Variants in OTUD4 observed in about 807,000 individuals in gnomAD.
OTUD4 encodes the protein OTU domain-containing protein 4.
Under a neutral mutation model 130.4 loss-of-function variants are expected in OTUD4, and 24 were observed. The ratio of observed to expected loss-of-function variants is 0.18; its 90% confidence interval spans 0.13 to 0.26. OTUD4 has a LOEUF of 0.26. Ranked by LOEUF, OTUD4 falls within the 10% of genes least tolerant of loss-of-function variation. The pLI is 1.00. For missense variants in OTUD4, 1,031 were observed against 1,329.4 expected, an observed-to-expected ratio of 0.78 and a Z score of 3.49; for synonymous variants, 420 against 472.5, an observed-to-expected ratio of 0.89 and a Z score of 1.44.
At chr4:145,179,729 C>G (rs991478307) in intron 1 of OTUD4, 86 bp downstream of exon 1, 34 of 1,438,080 alleles carry the variant, frequency 2.4e-5, no homozygotes, top group South Asian at 7.1e-5. Flanking sequence ...GTGGGCGGCC[C>G]GGACAGCCCG....
intron 14 of OTUD4, among the ~76,000 whole-genome samples, chr4:145,145,104 G>C (rs1465993663): frequency 6.6e-6 from 1 of 152,088 alleles, no homozygotes; most frequent in South Asian, 2.1e-4. Context: ...AAAATGATGA[G>C]TATGAAGGAC....
At chr4:145,178,073 G>C (rs1752510832) in intron 1 of OTUD4, 1 of 152,194 alleles carries the variant, frequency 6.6e-6, no homozygotes, top group African/African-American at 2.4e-5. Flanking sequence ...ACTGGGAAGG[G>C]TAGTCCCTTA....
intron 1 of OTUD4, among the ~76,000 whole-genome samples, chr4:145,174,948 C>T (rs984964251): frequency 6.6e-6 from 1 of 152,334 alleles, no homozygotes. Context: ...ACAAACAATA[C>T]TACTTCTTAA....
At chr4:145,173,204 AC>A (rs1752260445) in intron 2 of OTUD4, among the ~76,000 whole-genome samples, 1 of 152,268 alleles carries the variant, frequency 6.6e-6, no homozygotes, top group East Asian at 1.9e-4. Flanking sequence ...ATCCTAGCTA[AC>A]ATGGTGAAAC....
intron 1 of OTUD4, among the ~76,000 whole-genome samples, chr4:145,175,490 A>G (rs1471888814): frequency 6.6e-6 from 1 of 152,150 alleles, no homozygotes; most frequent in African/African-American, 2.4e-5. Flanking sequence ...CAAAAAGATA[A>G]CTTACTGGCA....
intron 3 of OTUD4, chr4:145,171,001 C>T (rs563175651): frequency 1.3e-5 from 2 of 152,254 alleles, no homozygotes; most frequent in African/African-American, 4.8e-5. Context: ...GAAATAGGAA[C>T]CTGCATGAAA....
chr4:145,167,587 T>C (rs1341342912), intron 3 of OTUD4, among the ~76,000 whole-genome samples: 1 of 152,244 alleles, frequency 6.6e-6, no homozygotes, highest in Non-Finnish European at 1.5e-5. Context: ...CCAGGCACGG[T>C]GGCTCACGCC....
At chr4:145,154,041 AT>A (rs1279875044) in intron 10 of OTUD4, among the ~76,000 whole-genome samples, 3 of 152,264 alleles carry the variant, frequency 2.0e-5, no homozygotes, top group African/African-American at 4.8e-5. Flanking sequence ...CATCTACTTT[AT>A]CAAAAGCACC....
intron 6 of OTUD4, among the ~76,000 whole-genome samples, chr4:145,162,279 C>A (rs1751612044): frequency 6.6e-6 from 1 of 152,078 alleles, no homozygotes; most frequent in Non-Finnish European, 1.5e-5. Context: ...TAAGGCCGGG[C>A]ACGGTAGCTC....
chr4:145,176,919 A>G (rs1013416405), intron 1 of OTUD4, among the ~76,000 whole-genome samples: 10 of 152,246 alleles, frequency 6.6e-5, no homozygotes, highest in Non-Finnish European at 1.0e-4. Flanking sequence ...GTTAGCAATT[A>G]GTTTGTTTTC....
At chr4:145,141,352 C>T (rs1560977510) in intron 19 of OTUD4, 27 bp downstream of exon 19, 7 of 1,547,860 alleles carry the variant, frequency 4.5e-6, no homozygotes, top group Non-Finnish European at 4.4e-6. Context: ...TTGATAAAGT[C>T]GATTTGAACT....
At position 145,155,435 on chromosome 4, in the gene OTUD4, T is replaced by A; in HGVS notation, c.849A>T (p.Gln283His). The change falls in exon 10 of 21, where the codon CAA becomes CAT. Residue 283 changes from glutamine to histidine, a missense_variant. By Grantham distance (24) the Gln-to-His change is conservative. Transcript: ENST00000447906. ...KRDYSIAAGLQYEVGDKCQVR... is the reference protein window; with the variant it reads ...KRDYSIAAGLHYEVGDKCQVR... ...CTTGACATTTGTCTCCAACTTCATA[T>A]TGTAAGCCAGCAGCAATGGAATAAT... is the stretch of plus-strand genomic sequence containing the variant. 1 of 1,611,932 alleles carries A rather than the reference T, an allele frequency of 6.2e-7. No individual in the cohort carries two copies. Among genetic ancestry groups the A allele is most frequent in the Non-Finnish European group, 8.5e-7 (1 of 1,179,340 alleles).
chr4:145,166,098 T>C (rs188920567), intron 3 of OTUD4, among the ~76,000 whole-genome samples: 24 of 150,522 alleles, frequency 1.6e-4, no homozygotes, highest in Admixed American at 1.1e-3. Flanking sequence ...GAAGCAGAGG[T>C]TGCAGTGAGC....
intron 7 of OTUD4, among the ~76,000 whole-genome samples, chr4:145,156,683 C>CAA (rs562088817): frequency 2.3e-5 from 3 of 128,146 alleles, no homozygotes; most frequent in African/African-American, 8.6e-5. Flanking sequence ...AACTCCGTCT[C>CAA]AAAAAAAAAA....
At chr4:145,144,563 G>T in intron 14 of OTUD4, 129 bp from the exon 15 acceptor site, 1 of 801,304 alleles carries the variant, frequency 1.2e-6, no homozygotes, top group Non-Finnish European at 2.0e-6. Context: ...ATTTTTAACT[G>T]AAACTAAAGA....
At chr4:145,153,734 T>A (rs1367045263) in intron 10 of OTUD4, among the ~76,000 whole-genome samples, 1 of 152,210 alleles carries the variant, frequency 6.6e-6, no homozygotes, top group African/African-American at 2.4e-5. Flanking sequence ...TACAGGACAA[T>A]GCTTTAAGCA....
At position 145,155,970 on chromosome 4, in the gene OTUD4, T is replaced by TCAGCAG; in HGVS notation, c.650_655dup (p.Ala217_Ala218dup). ...TGACAAAGGTTTAAATCCATTCACA[T>TCAGCAG]CAGCAGCAGCAGCAGCAGTCTTACT... is the stretch of plus-strand genomic sequence containing the variant. On this transcript the variant is annotated inframe_insertion, in exon 8 of 21. Transcript: ENST00000447906. 2 of 1,606,738 alleles carry TCAGCAG rather than the reference T, an allele frequency of 1.2e-6. No homozygotes were observed. Among genetic ancestry groups the TCAGCAG allele is most frequent in the Non-Finnish European group, 8.5e-7 (1 of 1,174,898 alleles).
Position 145,150,593 on chromosome 4 carries a change from A to G in OTUD4, c.1179T>C (p.Ser393=). The G allele has an allele frequency of 6.2e-7, 1 of 1,613,260 alleles. No homozygotes were observed. The change falls in exon 13 of 21, where the codon TCT becomes TCC. Residue 393 remains serine (S), a synonymous_variant. Coordinates refer to ENST00000447906, the MANE Select transcript of OTUD4 (RefSeq NM_001366057.1). The part of the protein sequence containing the change: ...HPSGVRQHAF[S]SHSSGSQSQK... Reference sequence around the variant, plus strand: ...GAGACTGTGACCCTGAAGAATGACTAGAGAACGCATGTTGTCTTACTCCTG... The same window carrying G: ...GAGACTGTGACCCTGAAGAATGACTGGAGAACGCATGTTGTCTTACTCCTG...
At chr4:145,147,841 A>T (rs1750894855) in intron 13 of OTUD4, among the ~76,000 whole-genome samples, 1 of 152,228 alleles carries the variant, frequency 6.6e-6, no homozygotes, top group African/African-American at 2.4e-5. Flanking sequence ...TACAGTGAAG[A>T]TGAACTGTAC....
Sources: gnomAD v4.1 joint callset for allele counts (sites outside exome capture counted in the v4.1 genomes callset) on GRCh38, gnomAD v4.1.1 for gene constraint, MANE v1.5 for transcripts, NCBI Gene and HGNC (gene_info 2026-07-23, HGNC 2026-07-21) for gene names.